Variants in NDUFAF2 observed in about 807,000 individuals in gnomAD.
NDUFAF2 encodes the protein NADH dehydrogenase [ubiquinone] 1 alpha subcomplex assembly factor 2.
In NDUFAF2, 13 loss-of-function variants were observed where a neutral mutation model predicts 22.8. That is an observed-to-expected ratio of 0.57 (90% CI 0.37 to 0.91). The LOEUF is 0.91. Ranked by LOEUF, NDUFAF2 falls within the 40% of genes least tolerant of loss-of-function variation. The probability of loss-of-function intolerance (pLI) is 0.01; values close to 1 mark genes in which losing one functional copy is unlikely to be tolerated. For synonymous variants in NDUFAF2, 53 were observed against 64.2 expected, an observed-to-expected ratio of 0.83 and a Z score of 0.84; for missense variants, 162 against 195.2, an observed-to-expected ratio of 0.83 and a Z score of 1.01.
At chr5:60,952,609 G>C (rs536997145) in intron 1 of NDUFAF2, among the ~76,000 whole-genome samples, 4 of 151,992 alleles carry the variant, frequency 2.6e-5, no homozygotes, top group South Asian at 4.1e-4. Flanking sequence ...AGAGTATGGT[G>C]CAATTTGGTA....
At chr5:61,001,687 T>G (rs1365535626) in intron 1 of NDUFAF2, among the ~76,000 whole-genome samples, 2 of 152,136 alleles carry the variant, frequency 1.3e-5, no homozygotes, top group Non-Finnish European at 2.9e-5. Flanking sequence ...TTTTTATTAT[T>G]AAACTATAAA....
At chr5:61,129,167 G>A (rs1753075974) in intron 3 of NDUFAF2, among the ~76,000 whole-genome samples, 1 of 152,180 alleles carries the variant, frequency 6.6e-6, no homozygotes, top group South Asian at 2.1e-4. Flanking sequence ...AGGATGTGGA[G>A]AAATAGAACA....
intron 3 of NDUFAF2, among the ~76,000 whole-genome samples, chr5:61,103,092 G>T (rs149431154): frequency 1.4e-4 from 22 of 152,078 alleles, no homozygotes; most frequent in Non-Finnish European, 2.4e-4. Context: ...TAATTCTCCC[G>T]GCCACCTTGA....
intron 1 of NDUFAF2, among the ~76,000 whole-genome samples, chr5:60,949,257 T>G (rs1181356758): frequency 6.6e-6 from 1 of 152,160 alleles, no homozygotes; most frequent in African/African-American, 2.4e-5. Flanking sequence ...TTCTCTGCCA[T>G]TATACTTTTT....
In NDUFAF2 at chr5:61,147,536, C is replaced by T. The variant is rs181722688; in HGVS notation, c.259-5168C>T. ...AAATCCACCCACCTCAGCCTCCCAA[C>T]GTGCTAGGATTACAGGCGTGAGCCA... On this transcript the variant is annotated intron_variant, in intron 3 of 3. Coordinates refer to ENST00000296597, the MANE Select transcript of NDUFAF2 (RefSeq NM_174889.5). 5.3e-3 allele frequency among the ~76,000 whole-genome samples: 794 copies of T among 149,442 alleles called. 6 individuals are homozygous for T. The highest frequency in any genetic ancestry group is 0.02 in the South Asian group (92 of 4,648).
intron 1 of NDUFAF2, among the ~76,000 whole-genome samples, chr5:61,041,203 T>TTA (rs1283514763): frequency 1.3e-5 from 2 of 152,162 alleles, no homozygotes; most frequent in Non-Finnish European, 2.9e-5. Context: ...AAGGATTGGA[T>TTA]TATAGCTTAC....
chr5:60,967,482 T>G (rs961788789), intron 1 of NDUFAF2, among the ~76,000 whole-genome samples: 1 of 152,018 alleles, frequency 6.6e-6, no homozygotes, highest in Non-Finnish European at 1.5e-5. Flanking sequence ...GTTTATCATA[T>G]ATGGCCTTTA....
At chr5:61,124,092 T>C (rs1488673969) in intron 3 of NDUFAF2, among the ~76,000 whole-genome samples, 1 of 152,104 alleles carries the variant, frequency 6.6e-6, no homozygotes, top group Non-Finnish European at 1.5e-5. Flanking sequence ...CAGAACAATA[T>C]TTAAGTTTTA....
chr5:61,120,413 G>A (rs1205384076), intron 3 of NDUFAF2, among the ~76,000 whole-genome samples: 2 of 152,038 alleles, frequency 1.3e-5, no homozygotes, highest in African/African-American at 4.8e-5. Flanking sequence ...TTTATTTTAG[G>A]CAGGTCTTCC....
chr5:61,096,747 G>A (rs1040083632), intron 2 of NDUFAF2, among the ~76,000 whole-genome samples: 2 of 151,646 alleles, frequency 1.3e-5, no homozygotes, highest in African/African-American at 4.8e-5. Context: ...GAAGATCACT[G>A]AAGGTCAGGA....
intron 1 of NDUFAF2, among the ~76,000 whole-genome samples, chr5:61,017,223 T>C (rs867285892): frequency 2.0e-5 from 3 of 152,312 alleles, no homozygotes; most frequent in Middle Eastern, 3.4e-3. Flanking sequence ...AAATTCATAC[T>C]GATGTTATGT....
intron 1 of NDUFAF2, among the ~76,000 whole-genome samples, chr5:61,035,070 AT>A (rs34608613): frequency 0.018 from 2,519 of 142,690 alleles, 30 homozygotes; most frequent in South Asian, 0.041. Context: ...AAGATAGTGT[AT>A]TTTTTTTTTT....
chr5:60,969,792 C>T (rs1017572239), intron 1 of NDUFAF2, among the ~76,000 whole-genome samples: 1 of 152,094 alleles, frequency 6.6e-6, no homozygotes, highest in Non-Finnish European at 1.5e-5. Flanking sequence ...CTCAAGAAAT[C>T]TTTCCAAGAC....
intron 1 of NDUFAF2, among the ~76,000 whole-genome samples, chr5:61,027,292 C>T (rs2950232): frequency 0.22 from 32,550 of 144,670 alleles, 3,912 homozygotes; most frequent in African/African-American, 0.32. Flanking sequence ...AAAAGGTACA[C>T]GTGGACTTTT....
intron 2 of NDUFAF2, among the ~76,000 whole-genome samples, chr5:61,085,277 C>CA (rs1239348431): frequency 1.3e-5 from 2 of 151,876 alleles, no homozygotes; most frequent in Non-Finnish European, 2.9e-5. Context: ...AGCATAATAA[C>CA]AAAAAGGAGA....
chr5:60,952,022 C>G lies in NDUFAF2; in HGVS notation c.127+6640C>G, dbSNP rs115007869. Among the ~76,000 whole-genome samples the G allele has an allele frequency of 7.1e-3, 1,064 of 150,390 alleles. 10 individuals are homozygous for G. The highest frequency in any genetic ancestry group is 0.025 in the African/African-American group (1,024 of 40,956). On this transcript the variant is annotated intron_variant, in intron 1 of 3. Coordinates refer to ENST00000296597, the MANE Select transcript of NDUFAF2 (RefSeq NM_174889.5). The stretch of plus-strand genomic sequence containing the variant: ...ATTTACAGTCATAAAGTTGTAATAC[C>G]TCTTCATTATCTTTTTAATGTTTGT...
At chr5:61,039,392 C>A (rs961417594) in intron 1 of NDUFAF2, among the ~76,000 whole-genome samples, 2 of 152,118 alleles carry the variant, frequency 1.3e-5, no homozygotes, top group Non-Finnish European at 1.5e-5. Context: ...GATAATAGTT[C>A]TTCTCCAAAA....
At chr5:61,081,646 C>A (rs912986468) in intron 2 of NDUFAF2, among the ~76,000 whole-genome samples, 2 of 152,166 alleles carry the variant, frequency 1.3e-5, no homozygotes, top group African/African-American at 4.8e-5. Flanking sequence ...CCCAGACAAA[C>A]CTCTATAGTT....
At chr5:61,067,716 A>G (rs1451578337) in intron 1 of NDUFAF2, among the ~76,000 whole-genome samples, 1 of 152,030 alleles carries the variant, frequency 6.6e-6, no homozygotes, top group African/African-American at 2.4e-5. Flanking sequence ...CTAGTTCTAG[A>G]TCCCTGAGGA....
Sources: gnomAD v4.1 joint callset for allele counts (sites outside exome capture counted in the v4.1 genomes callset) on GRCh38, gnomAD v4.1.1 for gene constraint, MANE v1.5 for transcripts, NCBI Gene and HGNC (gene_info 2026-07-23, HGNC 2026-07-21) for gene names.